Variants in CDH15 observed in about 807,000 individuals in gnomAD.
CDH15 encodes cadherin 15.
A neutral mutation model predicts 69.4 loss-of-function variants in CDH15; 73 were observed. That is an observed-to-expected ratio of 1.05 (90% CI 0.87 to 1.28). The LOEUF is 1.28. CDH15 is among the 50% of genes most tolerant of loss of function. The pLI is 0.00. For missense variants in CDH15, 1,343 were observed against 1,133.6 expected (o/e 1.18, Z -2.65); for synonymous variants, 624 against 507.7 (o/e 1.23, Z -3.08).
Position 89,192,442 on chromosome 16 carries a change from T to G in CDH15, c.1853T>G (p.Leu618Arg). Residue 618 changes from leucine to arginine, a missense_variant and splice_region_variant, in exon 11 of 14, where the codon CTG becomes CGG. Physicochemically the swap from Leu to Arg is moderately radical, Grantham distance 102 (BLOSUM62 -2). Transcript: ENST00000289746. ...GTGCTGGCCAGCGCCCTCCTGCTGC[T>G]GGGTGAGTGAGCGCCCCGCCTCCAC... ...VIVLASALLLLVLVLLVALRA... is the reference protein window; with the variant it reads ...VIVLASALLLRVLVLLVALRA... 1 of 1,560,996 alleles carries G rather than the reference T, an allele frequency of 6.4e-7. No homozygotes were observed. Among genetic ancestry groups the G allele is most frequent in the Non-Finnish European group, 8.6e-7 (1 of 1,160,910 alleles).
Position 89,194,910 on chromosome 16 carries a change from G to A in CDH15, c.2200G>A (p.Ala734Thr). 6.2e-7 allele frequency: 1 copy of A among 1,608,018 alleles called. No individual in the cohort carries two copies. Among genetic ancestry groups the A allele is most frequent in the Non-Finnish European group, 8.5e-7 (1 of 1,177,472 alleles). ...SDPSVPPYDT[A>T]LIYDYEGDGS... is the part of the protein sequence containing the mutation. Reference sequence around the variant, plus strand: ...CCCCAGTGTGCCGCCTTACGACACAGCCCTCATCTATGACTACGAGGGTGA... The same window carrying A: ...CCCCAGTGTGCCGCCTTACGACACAACCCTCATCTATGACTACGAGGGTGA... The change falls in exon 14 of 14, where the codon GCC becomes ACC. Residue 734 changes from alanine to threonine, a missense_variant. By Grantham distance (58) the Ala-to-Thr change is moderately conservative (BLOSUM62 0). Coordinates refer to ENST00000289746, the MANE Select transcript of CDH15 (RefSeq NM_004933.3).
chr16:89,183,117 G>A (rs1378374223), intron 3 of CDH15: 1 of 163,364 alleles, frequency 6.1e-6, no homozygotes, highest in Admixed American at 5.9e-5. Flanking sequence ...AGGAGGCAGA[G>A]GTTGCAGTGA....
chr16:89,191,873 T>G lies in CDH15; in HGVS notation c.1594T>G (p.Trp532Gly), dbSNP rs572299340. 1 of 1,589,152 alleles carries G rather than the reference T, an allele frequency of 6.3e-7. No individual in the cohort carries two copies. The highest frequency in any genetic ancestry group is 8.5e-7 in the Non-Finnish European group (1 of 1,173,764). Residue 532 changes from tryptophan to glycine, a missense_variant, in exon 10 of 14, where the codon TGG (tryptophan) becomes GGG (glycine). Physicochemically the swap from Trp to Gly is radical, Grantham distance 184 (BLOSUM62 -2). Transcript: ENST00000289746. ...CAGGCTCCCAGAGCTCGGCCGGAAC[T>G]GGAGCCTCAGCCAGGTCAACGGTGC... ...SPRLPELGRN[W>G]SLSQVNVSHA...
chr16:89,184,967 G>A (rs1468332199), intron 4 of CDH15, among the ~76,000 whole-genome samples: 1 of 152,236 alleles, frequency 6.6e-6, no homozygotes, highest in African/African-American at 2.4e-5. Context: ...GGCTTCAGGG[G>A]CAGCGGGAAG....
intron 3 of CDH15, among the ~76,000 whole-genome samples, chr16:89,181,929 C>T (rs1915385207): frequency 6.8e-6 from 1 of 147,348 alleles, no homozygotes; most frequent in East Asian, 2.0e-4. Context: ...CAGAGTGAGA[C>T]TCTGTCTCAA....
intron 1 of CDH15, among the ~76,000 whole-genome samples, chr16:89,175,410 C>A (rs1395980275): frequency 2.0e-5 from 3 of 152,238 alleles, no homozygotes; most frequent in Admixed American, 6.5e-5. Context: ...TCAGAGCATG[C>A]GGTTCAGAGC....
intron 1 of CDH15, among the ~76,000 whole-genome samples, chr16:89,172,391 C>T (rs916390111): frequency 7.2e-5 from 11 of 152,148 alleles, no homozygotes; most frequent in African/African-American, 2.2e-4. Flanking sequence ...GGAACTCACC[C>T]TCACGGCTAC....
chr16:89,186,882 T>C (rs920706561), intron 5 of CDH15, among the ~76,000 whole-genome samples: 2 of 146,186 alleles, frequency 1.4e-5, no homozygotes, highest in Admixed American at 1.4e-4. Flanking sequence ...GCACAGTAGG[T>C]GCTCTGCAAA....
At chr16:89,186,443 C>T (rs1262825511) in intron 5 of CDH15, among the ~76,000 whole-genome samples, 2 of 127,394 alleles carry the variant, frequency 1.6e-5, no homozygotes, top group African/African-American at 6.1e-5. Flanking sequence ...TGTAAAGGCT[C>T]ACCCAGCGCA....
Position 89,189,250 on chromosome 16 carries a change from GATGCCCACACAC to G in CDH15, c.978+979_979-968del, listed in dbSNP as rs1297956121. 5.7e-3 allele frequency among the ~76,000 whole-genome samples: 671 copies of G among 117,990 alleles called. 6 individuals carry two copies. The highest frequency in any genetic ancestry group is 0.02 in the African/African-American group (634 of 32,378). The allele number at this position is 117,990 out of a possible 152,430, so 77.4% of individuals were successfully genotyped here. On this transcript the variant is annotated intron_variant, in intron 7 of 13. Coordinates refer to ENST00000289746, the MANE Select transcript of CDH15 (RefSeq NM_004933.3). ...CCACACACAGATGCTGGCACACACA[GATGCCCACACAC>G]ATGCCCACACACAGATGCCGGCACA...
intron 3 of CDH15, among the ~76,000 whole-genome samples, 164 bp downstream of exon 3, chr16:89,180,519 G>C (rs1378068053): frequency 6.6e-6 from 1 of 152,176 alleles, no homozygotes; most frequent in African/African-American, 2.4e-5. Context: ...GTTTGGGACC[G>C]AGGCCCTGCA....
At chr16:89,179,279 C>T (rs573466255) in intron 1 of CDH15, 137 bp from the exon 2 acceptor site, 189 of 970,046 alleles carry the variant, frequency 1.9e-4, no homozygotes, top group Middle Eastern at 6.6e-4. Flanking sequence ...AGCCGCCTTG[C>T]GCCAATGGGC....
At position 89,191,676 on chromosome 16, in the gene CDH15, C is replaced by T. The variant is rs1915645348; in HGVS notation, c.1397C>T (p.Thr466Ile). Residue 466 changes from threonine (T) to isoleucine (I), a missense_variant, in exon 10 of 14, where the codon ACC (threonine) becomes ATC (isoleucine). Transcript: ENST00000289746. ...GCAGCCTCCCAGCCCCGCACCGCCA[C>T]CGGCACCCTGTCCATCGAGATCCTG... ...QDDASQPRTA[T>I]GTLSIEILEV... 2 of 1,596,884 alleles carry T rather than the reference C, an allele frequency of 1.3e-6. No individual in the cohort carries two copies. Among genetic ancestry groups the T allele is most frequent in the Non-Finnish European group, 1.7e-6 (2 of 1,176,364 alleles).
chr16:89,195,258 C>A lies in CDH15; in HGVS notation c.*103C>A. On this transcript the variant is annotated 3_prime_UTR_variant, in exon 14 of 14. Transcript: ENST00000289746. ...GGGCCCGACCCCCCTGGGCCTGGGGCAGCCTCCTTCCTGTAGGCGAGGGCC... is the reference window on the plus strand; with the variant it reads ...GGGCCCGACCCCCCTGGGCCTGGGGAAGCCTCCTTCCTGTAGGCGAGGGCC... The A allele has an allele frequency of 8.0e-7, 1 of 1,257,254 alleles. No individual in the cohort carries two copies. The highest frequency in any genetic ancestry group is 1.6e-5 in the South Asian group (1 of 63,700). 77.9% of individuals were successfully genotyped at this position (1,257,254 alleles called of 1,614,324 possible).
In CDH15 at chr16:89,185,591, C is replaced by A. The variant is rs1488260801; in HGVS notation, c.663+258C>A. On this transcript the variant is annotated intron_variant, in intron 5 of 13. Transcript: ENST00000289746. ...CCGGCACAGGGCAGGGCTCCCCAAG[C>A]AGCCCCGCCCCTCTCAGCCTCATGG... is the stretch of plus-strand genomic sequence containing the variant. 17 of 555,528 alleles carry A rather than the reference C, an allele frequency of 3.1e-5. No homozygotes were observed. The East Asian group carries it at 5.2e-4, about 17-fold the overall frequency. The allele number at this position is 555,528 out of a possible 1,614,324, so 34.4% of individuals were successfully genotyped here.
intron 9 of CDH15, 24 bp from the exon 10 acceptor site, chr16:89,191,631 A>G: frequency 1.3e-6 from 2 of 1,570,138 alleles, no homozygotes; most frequent in Non-Finnish European, 1.7e-6. Flanking sequence ...TGGGGTCACT[A>G]AGCCGCGGCC....
intron 7 of CDH15, 27 bp downstream of exon 7, chr16:89,188,312 A>C: frequency 6.2e-7 from 1 of 1,603,230 alleles, no homozygotes; most frequent in Non-Finnish European, 8.5e-7. Context: ...TGGCACACAG[A>C]TGCCGGCAGA....
intron 3 of CDH15, among the ~76,000 whole-genome samples, chr16:89,180,754 C>T (rs1037323753): frequency 7.9e-5 from 12 of 152,258 alleles, no homozygotes; most frequent in Non-Finnish European, 1.6e-4. Context: ...GATGGAGTCT[C>T]GCTCTGTCGC....
At chr16:89,194,822 GCC>G (rs1366466964) in intron 13 of CDH15, 38 bp from the exon 14 acceptor site, 1 of 1,568,106 alleles carries the variant, frequency 6.4e-7, no homozygotes, top group East Asian at 2.3e-5. Flanking sequence ...GCACCCGCTG[GCC>G]CCTCCATGTG....
Sources: allele counts gnomAD v4.1 joint callset (sites outside exome capture counted in the v4.1 genomes callset), GRCh38; gene constraint gnomAD v4.1.1; transcripts MANE v1.5; gene names NCBI Gene and HGNC (gene_info 2026-07-23, HGNC 2026-07-21).